Variants in RBFOX1 observed in about 807,000 individuals in gnomAD.
RBFOX1 encodes the protein RNA binding fox-1 homolog 1, also known as RNA binding protein fox-1 homolog 1.
Under a neutral mutation model 57.7 loss-of-function variants are expected in RBFOX1, and 8 were observed. That is an observed-to-expected ratio of 0.14 (90% CI 0.08 to 0.25). The LOEUF (loss-of-function observed/expected upper bound fraction) is 0.25, where lower values mean the gene tolerates loss of function less well. Ranked by LOEUF, RBFOX1 falls within the 10% of genes least tolerant of loss-of-function variation. The pLI is 1.00. For missense variants in RBFOX1, 611 were observed against 548.5 expected, an observed-to-expected ratio of 1.11 and a Z score of -1.14; for synonymous variants, 326 against 222.4, an observed-to-expected ratio of 1.47 and a Z score of -4.15.
At chr16:6,621,223 A>C (rs1270574624) in intron 2 of RBFOX1, among the ~76,000 whole-genome samples, 2 of 152,196 alleles carry the variant, frequency 1.3e-5, no homozygotes, top group Non-Finnish European at 2.9e-5. Context: ...GCACATTGGG[A>C]GGCCTAGGCC....
At chr16:5,941,977 A>T (rs550891512) in intron 4 of RBFOX1, among the ~76,000 whole-genome samples, 2 of 151,598 alleles carry the variant, frequency 1.3e-5, no homozygotes, top group Non-Finnish European at 2.9e-5. Flanking sequence ...TTTCTAAATC[A>T]TATCTGACAC....
intron 4 of RBFOX1, among the ~76,000 whole-genome samples, chr16:7,408,203 A>G (rs2098379619): frequency 1.3e-5 from 2 of 152,232 alleles, no homozygotes; most frequent in African/African-American, 2.4e-5. Flanking sequence ...TGCAAATAAT[A>G]AAAGTCTCAA....
chr16:5,736,783 A>G (rs1044912787), intron 3 of RBFOX1, among the ~76,000 whole-genome samples: 2 of 145,950 alleles, frequency 1.4e-5, no homozygotes, highest in Non-Finnish European at 3.0e-5. Flanking sequence ...CCATCTGTTT[A>G]TGTGTCTGTG....
Position 6,895,416 on chromosome 16 carries a change from ATATGTGTG to A in RBFOX1, c.-15-156639_-15-156632del, listed in dbSNP as rs1465061162. Among the ~76,000 whole-genome samples, 90 of 79,880 alleles carry A rather than the reference ATATGTGTG, an allele frequency of 1.1e-3. 2 individuals carry two copies. The South Asian group carries it at 0.015, about 13-fold the overall frequency. 52.4% of individuals were successfully genotyped at this position (79,880 alleles called of 152,430 possible). A position where few individuals can be genotyped will look rare whatever the true frequency, so the allele number is the denominator to read the frequency against. On this transcript the variant is annotated intron_variant, in intron 3 of 15. Transcript: ENST00000550418. ...GCCTCAGCCACTAGTTGTTAGTAAT[ATATGTGTG>A]TGTGTGTGTGTGTGTGTGTGTGTGT...
chr16:7,120,358 T>G (rs1468028020), intron 4 of RBFOX1, among the ~76,000 whole-genome samples: 1 of 151,738 alleles, frequency 6.6e-6, no homozygotes, highest in Non-Finnish European at 1.5e-5. Context: ...AAAATGAATT[T>G]GAAAATCAAA....
chr16:6,430,015 G>A (rs1350039551), intron 2 of RBFOX1, among the ~76,000 whole-genome samples: 3 of 152,176 alleles, frequency 2.0e-5, no homozygotes, highest in Middle Eastern at 3.4e-3. Context: ...GGCTGGGGCA[G>A]GAGAATTACT....
At chr16:6,265,165 A>T (rs1028279895) in intron 1 of RBFOX1, among the ~76,000 whole-genome samples, 1 of 152,148 alleles carries the variant, frequency 6.6e-6, no homozygotes, top group Non-Finnish European at 1.5e-5. Context: ...ACCTGAAAGG[A>T]ACATTATGCT....
At chr16:5,269,906 G>T (rs1407705523) in intron 1 of RBFOX1, among the ~76,000 whole-genome samples, 1 of 152,208 alleles carries the variant, frequency 6.6e-6, no homozygotes, top group Non-Finnish European at 1.5e-5. Context: ...TGAAATCCCA[G>T]TGCTTTGGGA....
At chr16:7,046,214 A>G (rs1422145899) in intron 3 of RBFOX1, among the ~76,000 whole-genome samples, 2 of 151,082 alleles carry the variant, frequency 1.3e-5, no homozygotes, top group East Asian at 3.9e-4. Flanking sequence ...ATTTTTGTAT[A>G]AAGTGTGAGG....
intron 3 of RBFOX1, among the ~76,000 whole-genome samples, chr16:6,767,743 A>G (rs1323355691): frequency 6.6e-6 from 1 of 151,562 alleles, no homozygotes; most frequent in Non-Finnish European, 1.5e-5. Flanking sequence ...GTGAAACCCC[A>G]TCTCTACTAA....
chr16:7,535,338 G>A (rs2081226446), intron 5 of RBFOX1, among the ~76,000 whole-genome samples: 1 of 152,158 alleles, frequency 6.6e-6, no homozygotes, highest in Non-Finnish European at 1.5e-5. Context: ...AGGGTTTCAT[G>A]GATGTGAGCA....
At chr16:7,517,819 C>G (rs1271756327) in intron 4 of RBFOX1, among the ~76,000 whole-genome samples, 1 of 132,900 alleles carries the variant, frequency 7.5e-6, no homozygotes, top group Non-Finnish European at 1.6e-5. Flanking sequence ...TAAAAAGGAT[C>G]TGCCAAAAAA....
At position 7,575,985 on chromosome 16, in the gene RBFOX1, G is replaced by C. The variant is rs115785941; in HGVS notation, c.271-3792G>C. 5.3e-3 allele frequency among the ~76,000 whole-genome samples: 811 copies of C among 152,258 alleles called. 6 individuals are homozygous for C. The highest frequency in any genetic ancestry group is 0.019 in the African/African-American group (788 of 41,532). ...GTCTTGCTCCATTGCCCAGGCTGGAGTGCAGTGGCATGATCTTCCCTCACT... is the reference window on the plus strand; with the variant it reads ...GTCTTGCTCCATTGCCCAGGCTGGACTGCAGTGGCATGATCTTCCCTCACT... On this transcript the variant is annotated intron_variant, in intron 5 of 15. Transcript: ENST00000550418.
chr16:6,063,984 C>T (rs1188848371), intron 1 of RBFOX1, among the ~76,000 whole-genome samples: 1 of 152,180 alleles, frequency 6.6e-6, no homozygotes, highest in African/African-American at 2.4e-5. Context: ...TATATCTTTA[C>T]AATTCCTATA....
chr16:5,921,382 G>T (rs1014218706), intron 4 of RBFOX1, among the ~76,000 whole-genome samples: 4 of 152,156 alleles, frequency 2.6e-5, no homozygotes, highest in Admixed American at 6.5e-5. Flanking sequence ...ATGCAAGGTG[G>T]AATCTGATGA....
chr16:5,516,252 TTC>T (rs2043788418), intron 2 of RBFOX1, among the ~76,000 whole-genome samples: 2 of 152,182 alleles, frequency 1.3e-5, no homozygotes, highest in Non-Finnish European at 2.9e-5. Flanking sequence ...TCCCATCACT[TTC>T]TGTCTCCCAT....
intron 2 of RBFOX1, among the ~76,000 whole-genome samples, chr16:5,559,095 G>A (rs1353480770): frequency 2.1e-5 from 3 of 141,104 alleles, no homozygotes; most frequent in Non-Finnish European, 4.5e-5. Context: ...ATTTTGATAT[G>A]TGATCAGTTT....
intron 4 of RBFOX1, among the ~76,000 whole-genome samples, chr16:7,222,960 C>T (rs555154640): frequency 4.4e-4 from 67 of 152,286 alleles, no homozygotes; most frequent in Non-Finnish European, 5.7e-4. Context: ...TTGAGCGTCC[C>T]TTGTTGTGCA....
chr16:6,767,477 C>T (rs934347362), intron 3 of RBFOX1, among the ~76,000 whole-genome samples: 2 of 152,158 alleles, frequency 1.3e-5, no homozygotes, highest in Non-Finnish European at 2.9e-5. Flanking sequence ...TGAACGAATA[C>T]ATTTCTTTTT....
Sources: allele counts gnomAD v4.1 joint callset (sites outside exome capture counted in the v4.1 genomes callset), GRCh38; gene constraint gnomAD v4.1.1; transcripts MANE v1.5; gene names NCBI Gene and HGNC (gene_info 2026-07-23, HGNC 2026-07-21).